TBL1XR1: variants seen among roughly 807,000 people sequenced by gnomAD.
The protein encoded by TBL1XR1 is F-box-like/WD repeat-containing protein TBL1XR1.
In TBL1XR1, 5 loss-of-function variants were observed where a neutral mutation model predicts 66.9. That is an observed-to-expected ratio of 0.07 (90% CI 0.04 to 0.16). The LOEUF (loss-of-function observed/expected upper bound fraction) is 0.16, where lower values mean the gene tolerates loss of function less well. Among genes scored for constraint, TBL1XR1 ranks in the 10% least tolerant of loss-of-function variants. TBL1XR1 has a pLI of 1.00. For missense variants in TBL1XR1, 238 were observed against 623.2 expected, an observed-to-expected ratio of 0.38 and a Z score of 6.58; for synonymous variants, 210 against 206.0, an observed-to-expected ratio of 1.02 and a Z score of -0.17.
chr3:177,083,769 T>TTTTTTG (rs552593305), intron 2 of TBL1XR1, among the ~76,000 whole-genome samples: 2,419 of 152,120 alleles, frequency 0.016, 81 homozygotes, highest in East Asian at 0.052. Flanking sequence ...GTAATGGTTT[T>TTTTTTG]TTTTTGTTTT....
At position 177,158,083 on chromosome 3, in the gene TBL1XR1, C is replaced by T. The variant is rs12633769; in HGVS notation, c.-122+39038G>A. On this transcript the variant is annotated intron_variant, in intron 1 of 15. Coordinates refer to ENST00000457928, the MANE Select transcript of TBL1XR1 (RefSeq NM_024665.7). ...CTATCTCATATATCTTAAGGTCCCA[C>T]CACGGTAGTTTTCAATAAAACAATC... Among the ~76,000 whole-genome samples the T allele has an allele frequency of 0.047, 7,094 of 151,856 alleles. 773 individuals are homozygous for T. In the East Asian group the frequency reaches 0.49, roughly 10 times the overall value.
intron 1 of TBL1XR1, among the ~76,000 whole-genome samples, chr3:177,102,718 C>T (rs1724380389): frequency 6.6e-6 from 1 of 152,218 alleles, no homozygotes; most frequent in African/African-American, 2.4e-5. Context: ...TCTTTGGCTG[C>T]CCTGACATTC....
intron 1 of TBL1XR1, among the ~76,000 whole-genome samples, chr3:177,141,215 T>C (rs1370514652): frequency 6.6e-6 from 1 of 152,094 alleles, no homozygotes; most frequent in Non-Finnish European, 1.5e-5. Context: ...AGCTTGGGGA[T>C]GGGGGAAAAA....
At chr3:177,149,395 T>TA (rs1281504830) in intron 1 of TBL1XR1, among the ~76,000 whole-genome samples, 1 of 152,202 alleles carries the variant, frequency 6.6e-6, no homozygotes, top group Non-Finnish European at 1.5e-5. Flanking sequence ...CTACTCTAAT[T>TA]ACAGAAGCCA....
chr3:177,102,196 T>G (rs1225926311), intron 1 of TBL1XR1, among the ~76,000 whole-genome samples: 1 of 152,198 alleles, frequency 6.6e-6, no homozygotes, highest in East Asian at 1.9e-4. Flanking sequence ...CTTCATTCAT[T>G]CATTTAACTT....
chr3:177,033,332 G>C (rs1314287491), intron 13 of TBL1XR1, among the ~76,000 whole-genome samples, 196 bp from the exon 14 acceptor site: 1 of 152,042 alleles, frequency 6.6e-6, no homozygotes, highest in Non-Finnish European at 1.5e-5. Flanking sequence ...ATGAAATTTA[G>C]AAAGAAGAGC....
At chr3:177,056,516 T>C (rs1433016676) in intron 3 of TBL1XR1, among the ~76,000 whole-genome samples, 1 of 152,216 alleles carries the variant, frequency 6.6e-6, no homozygotes. Flanking sequence ...TCATTAGCAT[T>C]GTTTTGGCAC....
chr3:177,199,379 CTTTT>C (rs11293475), upstream of TBL1XR1, among the ~76,000 whole-genome samples: 1 of 145,140 alleles, frequency 6.9e-6, no homozygotes, highest in African/African-American at 2.5e-5. Context: ...TAGTATCTTC[CTTTT>C]TTTTTTTTTG....
At chr3:177,090,985 C>T (rs1336967775) in intron 2 of TBL1XR1, among the ~76,000 whole-genome samples, 1 of 150,008 alleles carries the variant, frequency 6.7e-6, no homozygotes, top group African/African-American at 2.5e-5. Context: ...TGACACCCTG[C>T]TGAAAAGAAG....
At chr3:177,088,483 T>C (rs968888033) in intron 2 of TBL1XR1, among the ~76,000 whole-genome samples, 1 of 152,168 alleles carries the variant, frequency 6.6e-6, no homozygotes, top group Admixed American at 6.5e-5. Flanking sequence ...CAAGTAAATA[T>C]GAAATCTGAA....
chr3:177,171,702 CAAAAA>C (rs34278942), intron 1 of TBL1XR1, among the ~76,000 whole-genome samples: 40 of 47,292 alleles, frequency 8.5e-4, no homozygotes, highest in South Asian at 4.3e-3. Context: ...GACTCCGTCT[CAAAAA>C]AAAAAAAAAA....
intron 1 of TBL1XR1, chr3:177,126,068 T>A (rs1727586271): frequency 1.3e-5 from 2 of 152,220 alleles, no homozygotes; most frequent in Non-Finnish European, 2.9e-5. Flanking sequence ...GCAGGGGACA[T>A]GCTAATCTTT....
chr3:177,103,185 T>C (rs2108684475), intron 1 of TBL1XR1, among the ~76,000 whole-genome samples: 1 of 152,322 alleles, frequency 6.6e-6, no homozygotes, highest in Non-Finnish European at 1.5e-5. Context: ...AACCTGGTTA[T>C]ATACCAGTAA....
At position 177,169,488 on chromosome 3, in the gene TBL1XR1, A is replaced by G. The variant is rs538183091; in HGVS notation, c.-122+27633T>C. On this transcript the variant is annotated intron_variant, in intron 1 of 15. Transcript: ENST00000457928. ...AGCATGATCATGGCAGATACATGGA[A>G]TAAGAAACTATTCAAAATAATGCTA... is the stretch of plus-strand genomic sequence containing the variant. 2.0e-5 allele frequency among the ~76,000 whole-genome samples: 3 copies of G among 152,364 alleles called. No individual in the cohort carries two copies. The South Asian group carries it at 6.2e-4, about 32-fold the overall frequency.
intron 1 of TBL1XR1, among the ~76,000 whole-genome samples, chr3:177,108,903 C>G (rs1306357603): frequency 6.6e-6 from 1 of 152,066 alleles, no homozygotes; most frequent in East Asian, 1.9e-4. Context: ...GCAATACTAG[C>G]TAATGTTCAC....
At chr3:177,151,540 C>A (rs1418439076) in intron 1 of TBL1XR1, among the ~76,000 whole-genome samples, 1 of 152,204 alleles carries the variant, frequency 6.6e-6, no homozygotes, top group African/African-American at 2.4e-5. Context: ...GATGAAACCA[C>A]CCGCCTACCC....
chr3:177,154,134 T>C (rs1035892508), intron 1 of TBL1XR1, among the ~76,000 whole-genome samples: 41 of 152,020 alleles, frequency 2.7e-4, no homozygotes, highest in African/African-American at 8.9e-4. Context: ...TCCAACTATA[T>C]CCTGTTTAAA....
chr3:177,043,567 T>C (rs1199370873), intron 10 of TBL1XR1, among the ~76,000 whole-genome samples: 1 of 152,208 alleles, frequency 6.6e-6, no homozygotes, highest in Non-Finnish European at 1.5e-5. Flanking sequence ...TACATCATTT[T>C]ATTTTCAGCC....
chr3:177,187,736 GAAGAA>G (rs143291224), intron 1 of TBL1XR1, among the ~76,000 whole-genome samples: 3,394 of 151,734 alleles, frequency 0.022, 135 homozygotes, highest in African/African-American at 0.078. Context: ...GACACAATGA[GAAGAA>G]AAGAGAAACA....
Sources: allele counts gnomAD v4.1 joint callset (sites outside exome capture counted in the v4.1 genomes callset), GRCh38; gene constraint gnomAD v4.1.1; transcripts MANE v1.5; gene names NCBI Gene and HGNC (gene_info 2026-07-23, HGNC 2026-07-21).